XPNPEP1: variants seen among roughly 807,000 people sequenced by gnomAD.
The protein encoded by XPNPEP1 is X-prolyl aminopeptidase 1.
XPNPEP1 carries 39 observed loss-of-function variants against 92.4 expected under a neutral mutation model. The ratio of observed to expected loss-of-function variants is 0.42; its 90% CI spans 0.33 to 0.55. The LOEUF (loss-of-function observed/expected upper bound fraction) is 0.55. Among genes scored for constraint, XPNPEP1 ranks in the 20% least tolerant of loss-of-function variants. The probability of loss-of-function intolerance (pLI) is 0.08; values close to 1 mark genes in which losing one functional copy is unlikely to be tolerated. For synonymous variants in XPNPEP1, 307 were observed against 299.4 expected (o/e 1.03, Z -0.26); for missense variants, 654 against 856.1 (o/e 0.76, Z 2.95).
intron 5 of XPNPEP1, among the ~76,000 whole-genome samples, chr10:109,889,198 C>CTTTA (rs199749062): frequency 1.5e-3 from 233 of 152,274 alleles, no homozygotes; most frequent in East Asian, 5.6e-3. Flanking sequence ...GTCCGGTTGT[C>CTTTA]TTTATTTATT....
chr10:109,865,154 T>C lies in XPNPEP1; in HGVS notation c.*30A>G, dbSNP rs746159951. On this transcript the variant is annotated 3_prime_UTR_variant, in exon 21 of 21. Transcript: ENST00000502935. ...ACGTTTCTTCCTTCCTCCAGAGCATTTTACAAAAACAAAACCGGGGAGGTA... is the reference window on the plus strand; with the variant it reads ...ACGTTTCTTCCTTCCTCCAGAGCATCTTACAAAAACAAAACCGGGGAGGTA... 6.2e-7 allele frequency: 1 copy of C among 1,613,292 alleles called. No homozygotes were observed. Among genetic ancestry groups the C allele is most frequent in the South Asian group, 1.1e-5 (1 of 91,046 alleles).
At chr10:109,880,289 C>T in intron 11 of XPNPEP1, 51 bp from the exon 12 acceptor site, 1 of 1,592,536 alleles carries the variant, frequency 6.3e-7, no homozygotes, top group African/African-American at 1.3e-5. Context: ...AATCACGTGA[C>T]CAGATTCAGA....
chr10:109,916,086 C>T (rs577462898), intron 1 of XPNPEP1, among the ~76,000 whole-genome samples: 3 of 152,170 alleles, frequency 2.0e-5, no homozygotes, highest in South Asian at 2.1e-4. Context: ...GTACACAATA[C>T]GTCAAGTAAT....
chr10:109,888,126 T>C lies in XPNPEP1; in HGVS notation c.575A>G (p.Asn192Ser). 1 of 1,614,026 alleles carries C rather than the reference T, an allele frequency of 6.2e-7. No individual in the cohort carries two copies. The highest frequency in any genetic ancestry group is 8.5e-7 in the Non-Finnish European group (1 of 1,180,030). ...AGHHLIPVKE[N>S]LVDKIWTDRP... ...GTCTGTCCAGATTTTGTCAACGAGG[T>C]TCTCCTTGACAGGAATGAGGTGATG... Residue 192 changes from asparagine to serine, a missense_variant, in exon 7 of 21, where the codon AAC becomes AGC. Coordinates refer to ENST00000502935, the MANE Select transcript of XPNPEP1 (RefSeq NM_020383.4).
intron 12 of XPNPEP1, 107 bp downstream of exon 12, chr10:109,880,081 C>G: frequency 5.3e-6 from 6 of 1,128,030 alleles, no homozygotes; most frequent in Non-Finnish European, 7.7e-6. Flanking sequence ...TGATGAAGAT[C>G]TCAGATCTCA....
rs772893823 is a variant in XPNPEP1 at position 109,884,135 on chromosome 10, G to A, written c.762C>T (p.Leu254=). ...GATTGTGCTCCACATCTGATCCTCG[G>A]AGATTAAATAGCCCTAGAAAAGAAA... is the stretch of plus-strand genomic sequence containing the variant. ...ALDEIAWLFN[L]RGSDVEHNPV... Residue 254 remains leucine, a synonymous_variant, in exon 9 of 21, where the codon CTC becomes CTT. Transcript: ENST00000502935. 13 of 1,613,826 alleles carry A rather than the reference G, an allele frequency of 8.1e-6. 1 individual carries two copies. In the South Asian group the frequency reaches 1.3e-4, roughly 16 times the overall value.
intron 8 of XPNPEP1, among the ~76,000 whole-genome samples, chr10:109,885,916 T>C (rs1848362327): frequency 6.6e-6 from 1 of 152,192 alleles, no homozygotes; most frequent in African/African-American, 2.4e-5. Context: ...GCCTCTCCTA[T>C]GAGCCCACTT....
At chr10:109,919,046 T>C (rs1054065139) in intron 1 of XPNPEP1, among the ~76,000 whole-genome samples, 1 of 152,204 alleles carries the variant, frequency 6.6e-6, no homozygotes, top group Non-Finnish European at 1.5e-5. Flanking sequence ...AAAACTCTTA[T>C]AGCGCAACCA....
At chr10:109,905,000 G>A (rs1189873292) in intron 3 of XPNPEP1, among the ~76,000 whole-genome samples, 1 of 151,620 alleles carries the variant, frequency 6.6e-6, no homozygotes, top group African/African-American at 2.4e-5. Flanking sequence ...CCAAGAGGTG[G>A]AAAAAACTGA....
At chr10:109,865,468 TTG>T (rs1678538538) in intron 20 of XPNPEP1, among the ~76,000 whole-genome samples, 156 bp from the exon 21 acceptor site, 1 of 152,206 alleles carries the variant, frequency 6.6e-6, no homozygotes, top group African/African-American at 2.4e-5. Context: ...AGTATTTTCC[TTG>T]TGTTCTGTTT....
intron 1 of XPNPEP1, among the ~76,000 whole-genome samples, chr10:109,917,098 C>T (rs1428783510): frequency 6.6e-6 from 1 of 151,902 alleles, no homozygotes; most frequent in Non-Finnish European, 1.5e-5. Context: ...CTACTCTTGG[C>T]ATTTCTATTC....
chr10:109,896,279 T>C (rs1215510789), intron 3 of XPNPEP1, among the ~76,000 whole-genome samples: 2 of 151,594 alleles, frequency 1.3e-5, no homozygotes, highest in Non-Finnish European at 2.9e-5. Context: ...TTGTCTTTTT[T>C]TTTTTTTTTT....
intron 10 of XPNPEP1, among the ~76,000 whole-genome samples, chr10:109,882,208 A>G (rs183063853): frequency 1.3e-5 from 2 of 152,354 alleles, no homozygotes; most frequent in African/African-American, 2.4e-5. Context: ...AATAATGTGT[A>G]CCACCTAAAA....
chr10:109,899,802 T>A (rs996038181), intron 3 of XPNPEP1, among the ~76,000 whole-genome samples: 1 of 152,122 alleles, frequency 6.6e-6, no homozygotes, highest in Admixed American at 6.5e-5. Flanking sequence ...CCCAACAACA[T>A]AATATGGGGT....
At chr10:109,904,472 C>T (rs1849449600) in intron 3 of XPNPEP1, among the ~76,000 whole-genome samples, 1 of 151,966 alleles carries the variant, frequency 6.6e-6, no homozygotes, top group Admixed American at 6.6e-5. Context: ...GTCTCCCACC[C>T]CGCCCCTGAA....
In XPNPEP1 at chr10:109,884,068, T is replaced by C. The variant is rs765880398; in HGVS notation, c.829A>G (p.Met277Val). Residue 277 changes from methionine to valine, a missense_variant and splice_region_variant, in exon 9 of 21, where the codon ATG becomes GTG. Met to Val is a conservative substitution (Grantham distance 21, BLOSUM62 1). Transcript: ENST00000502935. ...TCCAGATGCAGGGCAAACACTCACA[T>C]GATCGTCTCTAGTCCTATGATTGCG... ...SYAIIGLETI[M>V]LFIDGDRIDA... is the part of the protein sequence containing the mutation. 2 of 1,613,304 alleles carry C rather than the reference T, an allele frequency of 1.2e-6. No homozygotes were observed. Among genetic ancestry groups the C allele is most frequent in the Non-Finnish European group, 1.7e-6 (2 of 1,179,610 alleles).
In XPNPEP1 at chr10:109,880,216, CAG is replaced by C; in HGVS notation, c.1152_1153del (p.Cys385Ter). 1 of 1,613,974 alleles carries C rather than the reference CAG, an allele frequency of 6.2e-7. No homozygotes were observed. Among genetic ancestry groups the C allele is most frequent in the Non-Finnish European group, 8.5e-7 (1 of 1,180,030 alleles). On this transcript the variant is annotated frameshift_variant, in exon 12 of 21. Coordinates refer to ENST00000502935, the MANE Select transcript of XPNPEP1 (RefSeq NM_020383.4). LOFTEE classifies it high-confidence loss of function. ...TTTCTCCAGCCAGTTAAAGAGTTCA[CAG>C]AGAGCAACAGCATCTTTAATCTGTG...
intron 3 of XPNPEP1, among the ~76,000 whole-genome samples, chr10:109,903,001 T>C (rs1236437339): frequency 6.6e-6 from 1 of 152,160 alleles, no homozygotes; most frequent in Non-Finnish European, 1.5e-5. Context: ...TTTTTAAGTA[T>C]CAGTCAGGGT....
chr10:109,896,335 G>A (rs1848988739), intron 3 of XPNPEP1, among the ~76,000 whole-genome samples: 1 of 149,362 alleles, frequency 6.7e-6, no homozygotes, highest in African/African-American at 2.5e-5. Context: ...CTAGAGTGTG[G>A]TGACACAATT....
Sources: gnomAD v4.1 joint callset for allele counts (sites outside exome capture counted in the v4.1 genomes callset) on GRCh38, gnomAD v4.1.1 for gene constraint, MANE v1.5 for transcripts, NCBI Gene and HGNC (gene_info 2026-07-23, HGNC 2026-07-21) for gene names.